Variants in PCDHGA2 observed in about 807,000 individuals in gnomAD.
PCDHGA2 encodes the protein protocadherin gamma-A2.
Under a neutral mutation model 59.2 loss-of-function variants are expected in PCDHGA2, and 40 were observed. The observed-to-expected ratio is 0.68, with a 90% CI of 0.52 to 0.88. The LOEUF is 0.88. PCDHGA2 is among the 40% of genes least tolerant of loss of function. The pLI is 0.00. For missense variants in PCDHGA2, 1,226 were observed against 1,204.0 expected, an observed-to-expected ratio of 1.02 and a Z score of -0.27; for synonymous variants, 560 against 526.0, an observed-to-expected ratio of 1.06 and a Z score of -0.89.
intron 1 of PCDHGA2, chr5:141,364,493 G>A (rs1480199754): frequency 4.3e-6 from 7 of 1,614,018 alleles, no homozygotes; most frequent in Non-Finnish European, 5.9e-6. Flanking sequence ...CCTTGGGCTG[G>A]AGCCCCAGGA....
intron 1 of PCDHGA2, chr5:141,415,230 A>G (rs1222982593): frequency 6.2e-7 from 1 of 1,614,050 alleles, no homozygotes; most frequent in Non-Finnish European, 8.5e-7. Context: ...TCGAGTCTCC[A>G]GCTAACTCTG....
chr5:141,381,820 C>CTTTCT (rs1279410534), intron 1 of PCDHGA2, among the ~76,000 whole-genome samples: 20 of 119,922 alleles, frequency 1.7e-4, no homozygotes, highest in African/African-American at 3.7e-4. Flanking sequence ...TTCTTTCTTT[C>CTTTCT]TTCTTCTTTT....
In PCDHGA2 at chr5:141,419,975, G is replaced by A. The variant is rs372316838; in HGVS notation, c.2425-74832G>A. ...CTTGATTTCTGTGCTCTTTCTCCTC[G>A]CGGTGATTCTAGCTATTGCTCTACG... On this transcript the variant is annotated intron_variant, in intron 1 of 3. Coordinates refer to ENST00000394576, the MANE Select transcript of PCDHGA2 (RefSeq NM_018915.4). 273 of 1,613,928 alleles carry A rather than the reference G, an allele frequency of 1.7e-4. No homozygotes were observed. The highest frequency in any genetic ancestry group is 2.2e-4 in the Non-Finnish European group (261 of 1,179,916).
chr5:141,394,980 C>T, intron 1 of PCDHGA2: 2 of 1,614,012 alleles, frequency 1.2e-6, no homozygotes, highest in Non-Finnish European at 1.7e-6. Flanking sequence ...GCACAAGTCA[C>T]GCCTGCTCCA....
Position 141,357,014 on chromosome 5 carries a change from C to A in PCDHGA2, c.2424+15619C>A, listed in dbSNP as rs377201838. ...GACTCAGGTCAGAATGCCTGGCTGT[C>A]CTACAGCCTACTCAAGTCCAGCGAG... On this transcript the variant is annotated intron_variant, in intron 1 of 3. Coordinates refer to ENST00000394576, the MANE Select transcript of PCDHGA2 (RefSeq NM_018915.4). 9.9e-6 allele frequency: 16 copies of A among 1,614,012 alleles called. No homozygotes were observed. The African/African-American group carries it at 1.6e-4, about 16-fold the overall frequency.
chr5:141,361,247 C>A (rs745887185), intron 1 of PCDHGA2: 2 of 1,613,946 alleles, frequency 1.2e-6, no homozygotes, highest in South Asian at 1.1e-5. Context: ...TTGATAAAAA[C>A]GAGAGACAGA....
At chr5:141,427,825 C>T (rs1342117815) in intron 1 of PCDHGA2, 2 of 1,536,464 alleles carry the variant, frequency 1.3e-6, no homozygotes, top group Non-Finnish European at 1.8e-6. Flanking sequence ...GTGGTGGTCG[C>T]GCAGCGTGCC....
In PCDHGA2 at chr5:141,414,189, G is replaced by C. The variant is rs1674006167; in HGVS notation, c.2424+72794G>C. ...CATATCTTGCAACTGCAAAAGTGTT[G>C]ATTACAGTAGAAGATGTAAATGACA... On this transcript the variant is annotated intron_variant, in intron 1 of 3. Transcript: ENST00000394576. 3.1e-6 allele frequency: 5 copies of C among 1,609,966 alleles called. No homozygotes were observed. The highest frequency in any genetic ancestry group is 3.4e-6 in the Non-Finnish European group (4 of 1,177,924).
chr5:141,368,187 G>A (rs80010247), intron 1 of PCDHGA2, among the ~76,000 whole-genome samples: 206 of 152,174 alleles, frequency 1.4e-3, no homozygotes, highest in African/African-American at 4.8e-3. Context: ...GACTAAATAA[G>A]GGGAAAAGGT....
At position 141,339,198 on chromosome 5, in the gene PCDHGA2, C is replaced by A. The variant is rs878978535; in HGVS notation, c.227C>A (p.Ala76Asp). Residue 76 changes from alanine (A) to aspartate (D), a missense_variant, in exon 1 of 4, where the codon GCT becomes GAT. Ala to Asp is a moderately radical substitution (Grantham distance 126). Coordinates refer to ENST00000394576, the MANE Select transcript of PCDHGA2 (RefSeq NM_018915.4). ...TCCAGAGGTAGGTCCCAGCTCTTTG[C>A]TCTGAACCCGCGAAGCGGCAGCTTG... ...IVSRGRSQLF[A>D]LNPRSGSLVT... The A allele has an allele frequency of 3.7e-6, 6 of 1,613,984 alleles. No individual in the cohort carries two copies. The South Asian group carries it at 6.6e-5, about 18-fold the overall frequency.
At chr5:141,375,036 G>A (rs1229219386) in intron 1 of PCDHGA2, 6 of 1,614,002 alleles carry the variant, frequency 3.7e-6, no homozygotes, top group Admixed American at 1.7e-5. Context: ...TATGAGCTGG[G>A]TGTTGAAGCC....
chr5:141,375,784 C>T, intron 1 of PCDHGA2: 1 of 1,614,254 alleles, frequency 6.2e-7, no homozygotes. Context: ...ACCCCGCCCT[C>T]CCCACAGACG....
intron 2 of PCDHGA2, among the ~76,000 whole-genome samples, chr5:141,499,670 C>T (rs1477227784): frequency 6.6e-6 from 1 of 151,412 alleles, no homozygotes; most frequent in African/African-American, 2.4e-5. Flanking sequence ...TCTTGGTCTC[C>T]ACCATCTTTA....
rs1457765340 is a variant in PCDHGA2 at position 141,491,122 on chromosome 5, G to GT, written c.2425-3684dup. 1 of 1,614,058 alleles carries GT rather than the reference G, an allele frequency of 6.2e-7. No homozygotes were observed. Among genetic ancestry groups the GT allele is most frequent in the Non-Finnish European group, 8.5e-7 (1 of 1,180,036 alleles). Reference sequence around the variant, plus strand: ...CCTCGTGTCTACACACACTGGTGAGGTGCGCACAGCCCGGGCCTTACTGGA... The same window carrying GT: ...CCTCGTGTCTACACACACTGGTGAGGTTGCGCACAGCCCGGGCCTTACTGGA... On this transcript the variant is annotated intron_variant, in intron 1 of 3. Coordinates refer to ENST00000394576, the MANE Select transcript of PCDHGA2 (RefSeq NM_018915.4). The surrounding 1 kb of genome is among the most constrained non-coding windows in gnomAD (Gnocchi z 6.9).
chr5:141,400,547 CT>C (rs765907405), intron 1 of PCDHGA2: 1 of 1,613,676 alleles, frequency 6.2e-7, no homozygotes, highest in East Asian at 2.2e-5. Context: ...TATGTCTATT[CT>C]TTTTCATTAC....
rs1332087953 is a variant in PCDHGA2 at position 141,339,781 on chromosome 5, T to A, written c.810T>A (p.Asp270Glu). 3 of 1,614,180 alleles carry A rather than the reference T, an allele frequency of 1.9e-6. No individual in the cohort carries two copies. The highest frequency in any genetic ancestry group is 4.5e-5 in the East Asian group (2 of 44,884). ...TCACGGTGACCGCCACTGACGCAGA[T>A]GAGGGCTACTACGCTCAAGTGGTAT... ...RILTVTATDA[D>E]EGYYAQVVYF... The change falls in exon 1 of 4, where the codon GAT becomes GAA. Residue 270 changes from aspartate (D) to glutamate (E), a missense_variant. Asp to Glu is a conservative substitution (Grantham distance 45). Coordinates refer to ENST00000394576, the MANE Select transcript of PCDHGA2 (RefSeq NM_018915.4).
chr5:141,375,809 G>A (rs912938777), intron 1 of PCDHGA2: 92 of 1,614,084 alleles, frequency 5.7e-5, no homozygotes, highest in Non-Finnish European at 7.3e-5. Flanking sequence ...CACTGGCGTG[G>A]AGCTGGCGCC....
At chr5:141,407,563 A>T (rs1483622352) in intron 1 of PCDHGA2, among the ~76,000 whole-genome samples, 1 of 152,032 alleles carries the variant, frequency 6.6e-6, no homozygotes, top group Non-Finnish European at 1.5e-5. Context: ...ACATAAGCTG[A>T]AAGATAAAAT....
intron 1 of PCDHGA2, among the ~76,000 whole-genome samples, chr5:141,425,440 A>G (rs1438530374): frequency 2.0e-5 from 3 of 152,248 alleles, no homozygotes; most frequent in Non-Finnish European, 4.4e-5. Flanking sequence ...GAGGATAAAA[A>G]TAAAACACCA....
Sources: allele counts gnomAD v4.1 joint callset (sites outside exome capture counted in the v4.1 genomes callset), GRCh38; gene constraint gnomAD v4.1.1; non-coding constraint Gnocchi (gnomAD v3.1); transcripts MANE v1.5; gene names NCBI Gene and HGNC (gene_info 2026-07-23, HGNC 2026-07-21).